Variants in SNX10 observed in about 807,000 individuals in gnomAD.
SNX10 encodes the protein sorting nexin 10, also known as sorting nexin-10.
Under a neutral mutation model 28.5 loss-of-function variants are expected in SNX10, and 25 were observed. The ratio of observed to expected loss-of-function variants is 0.88; its 90% CI spans 0.64 to 1.22. The LOEUF is 1.22. SNX10 is among the 50% of genes most tolerant of loss of function. The pLI is 0.00. For missense variants in SNX10, 223 were observed against 242.6 expected, an observed-to-expected ratio of 0.92 and a Z score of 0.54; for synonymous variants, 62 against 81.4, an observed-to-expected ratio of 0.76 and a Z score of 1.28.
At chr7:26,309,423 G>A (rs1006030133) in intron 1 of SNX10, among the ~76,000 whole-genome samples, 6 of 151,428 alleles carry the variant, frequency 4.0e-5, no homozygotes, top group Admixed American at 1.3e-4. Context: ...TCACCCAGTC[G>A]GTTCTCAGTG....
intron 2 of SNX10, among the ~76,000 whole-genome samples, chr7:26,358,805 G>GTTTTTGTTTTTTT (rs1554360948): frequency 2.0e-5 from 2 of 100,110 alleles, no homozygotes; most frequent in African/African-American, 8.8e-5. Flanking sequence ...GTTATCTTGT[G>GTTTTTGTTTTTTT]TTTTTTTTTT....
intron 3 of SNX10, among the ~76,000 whole-genome samples, chr7:26,363,035 A>T (rs926496554): frequency 2.6e-5 from 4 of 152,118 alleles, no homozygotes; most frequent in Admixed American, 6.5e-5. Flanking sequence ...TTCTTTAGGG[A>T]GAGGGTACCG....
Position 26,319,006 on chromosome 7 carries a change from C to G in SNX10, c.-24+26920C>G, listed in dbSNP as rs74930670. 6.4e-3 allele frequency among the ~76,000 whole-genome samples: 981 copies of G among 152,250 alleles called. 9 individuals carry two copies. Among genetic ancestry groups the G allele is most frequent in the African/African-American group, 0.023 (935 of 41,536 alleles). Reference sequence around the variant, plus strand: ...GATTTGAACCGAGATATGAATGACTCCAAACCTGAACTCTAAACTTTGATG... The same window carrying G: ...GATTTGAACCGAGATATGAATGACTGCAAACCTGAACTCTAAACTTTGATG... On this transcript the variant is annotated intron_variant, in intron 1 of 6. Coordinates refer to ENST00000338523, the MANE Select transcript of SNX10 (RefSeq NM_013322.3).
intron 3 of SNX10, among the ~76,000 whole-genome samples, chr7:26,363,079 T>C (rs1468051682): frequency 6.6e-6 from 1 of 152,190 alleles, no homozygotes; most frequent in Non-Finnish European, 1.5e-5. Context: ...GTTAGGGGAC[T>C]AGTTCTGGTA....
intron 1 of SNX10, among the ~76,000 whole-genome samples, chr7:26,330,192 T>C (rs984534230): frequency 6.8e-6 from 1 of 146,008 alleles, no homozygotes; most frequent in Non-Finnish European, 1.5e-5. Flanking sequence ...TTACTCATGA[T>C]CAAGGCCCTC....
intron 5 of SNX10, among the ~76,000 whole-genome samples, chr7:26,370,911 A>T (rs1789502647): frequency 6.6e-6 from 1 of 152,238 alleles, no homozygotes; most frequent in South Asian, 2.1e-4. Context: ...ATATGTCAAC[A>T]TCTTTGCTAA....
intron 1 of SNX10, among the ~76,000 whole-genome samples, chr7:26,324,523 T>A (rs1357623283): frequency 6.6e-6 from 1 of 152,156 alleles, no homozygotes; most frequent in Non-Finnish European, 1.5e-5. Flanking sequence ...CACACCTGGA[T>A]AATTTTTAAA....
chr7:26,335,777 T>A (rs12668915), intron 1 of SNX10, among the ~76,000 whole-genome samples: 4,569 of 138,548 alleles, frequency 0.033, 115 homozygotes, highest in East Asian at 0.09. Flanking sequence ...GGAGTCTCGT[T>A]CTGTCGCCCA....
At chr7:26,305,198 C>T (rs1350463051) in intron 1 of SNX10, among the ~76,000 whole-genome samples, 3 of 152,096 alleles carry the variant, frequency 2.0e-5, no homozygotes, top group African/African-American at 7.2e-5. Context: ...TCATCCCTAC[C>T]CCTCACTCCA....
At chr7:26,319,033 T>A (rs1431891176) in intron 1 of SNX10, among the ~76,000 whole-genome samples, 1 of 152,192 alleles carries the variant, frequency 6.6e-6, no homozygotes, top group Non-Finnish European at 1.5e-5. Context: ...ACTTTGATGC[T>A]GCCTTTCAAG....
intron 2 of SNX10, among the ~76,000 whole-genome samples, chr7:26,354,542 G>T (rs919260173): frequency 6.6e-6 from 1 of 151,678 alleles, no homozygotes; most frequent in Admixed American, 6.6e-5. Context: ...TTAAATGTTT[G>T]TTTAAATGTT....
chr7:26,302,384 C>T (rs1373830196), intron 1 of SNX10, among the ~76,000 whole-genome samples: 2 of 152,148 alleles, frequency 1.3e-5, no homozygotes, highest in East Asian at 1.9e-4. Flanking sequence ...ATGGACTCTA[C>T]GCAGGCTGGC....
At chr7:26,312,760 GGTGA>G (rs1562789386) in intron 1 of SNX10, among the ~76,000 whole-genome samples, 2 of 152,120 alleles carry the variant, frequency 1.3e-5, no homozygotes, top group Admixed American at 6.5e-5. Flanking sequence ...CTCCAGCCTG[GGTGA>G]CAGAGTGAGA....
rs188952545 is a variant in SNX10, at chr7:26,336,620, C to T, written c.-23-9800C>T. Among the ~76,000 whole-genome samples the T allele has an allele frequency of 1.6e-4, 24 of 152,224 alleles. No homozygotes were observed. In the East Asian group the frequency reaches 4.1e-3, roughly 26 times the overall value. On this transcript the variant is annotated intron_variant, in intron 1 of 6. Coordinates refer to ENST00000338523, the MANE Select transcript of SNX10 (RefSeq NM_013322.3). ...CCGGGGAGGCTGAGGCACGAAAATC[C>T]CTTGAACCCAGGAGGCGGAGGTTGC...
intron 1 of SNX10, among the ~76,000 whole-genome samples, chr7:26,314,464 G>A (rs558271182): frequency 6.6e-6 from 1 of 152,138 alleles, no homozygotes; most frequent in Non-Finnish European, 1.5e-5. Context: ...ATGTTAGCCA[G>A]ACTGGCAATA....
intron 1 of SNX10, among the ~76,000 whole-genome samples, chr7:26,309,181 G>C (rs567999532): frequency 1.6e-4 from 25 of 152,036 alleles, no homozygotes; most frequent in African/African-American, 5.8e-4. Context: ...GTCCTAATGC[G>C]AGCATCAAGA....
At chr7:26,347,620 T>G (rs1334911210) in intron 2 of SNX10, among the ~76,000 whole-genome samples, 1 of 152,146 alleles carries the variant, frequency 6.6e-6, no homozygotes. Context: ...GAGACCGAGG[T>G]GGTTGGATTA....
At chr7:26,360,633 CT>C (rs1444779932) in intron 2 of SNX10, 3 of 244,966 alleles carry the variant, frequency 1.2e-5, no homozygotes, top group Non-Finnish European at 2.3e-5. Context: ...GAAATGATCA[CT>C]TTTTAAATTT....
chr7:26,304,151 C>T (rs1196042779), intron 1 of SNX10, among the ~76,000 whole-genome samples: 3 of 152,162 alleles, frequency 2.0e-5, no homozygotes, highest in Non-Finnish European at 2.9e-5. Context: ...CTTCTGTAGC[C>T]TTGGGTCACT....
Sources: gnomAD v4.1 joint callset for allele counts (sites outside exome capture counted in the v4.1 genomes callset) on GRCh38, gnomAD v4.1.1 for gene constraint, MANE v1.5 for transcripts, NCBI Gene and HGNC (gene_info 2026-07-23, HGNC 2026-07-21) for gene names.